DGKE: variants seen among roughly 807,000 people sequenced by gnomAD.
DGKE encodes the protein diacylglycerol kinase epsilon.
A neutral mutation model predicts 70.0 loss-of-function variants in DGKE; 53 were observed. That is an observed-to-expected ratio of 0.76 (90% CI 0.61 to 0.95). The LOEUF is 0.95. DGKE is among the 40% of genes least tolerant of loss of function. The pLI, the probability that DGKE is intolerant of heterozygous loss-of-function variation, is 0.00. For synonymous variants in DGKE, 291 were observed against 257.0 expected (o/e 1.13, Z -1.27); for missense variants, 655 against 706.9 (o/e 0.93, Z 0.83).
chr17:56,845,844 T>C, intron 4 of DGKE, 35 bp downstream of exon 4: 2 of 1,552,666 alleles, frequency 1.3e-6, no homozygotes, highest in Non-Finnish European at 1.7e-6. Context: ...TATTAATGTT[T>C]TCATTTTCCC....
At chr17:56,855,005 G>A (rs1907860497) in intron 7 of DGKE, among the ~76,000 whole-genome samples, 1 of 152,142 alleles carries the variant, frequency 6.6e-6, no homozygotes. Flanking sequence ...TGCCCATCTG[G>A]TGCCAGGCAC....
chr17:56,849,164 T>A lies in DGKE; in HGVS notation c.1047-17T>A, dbSNP rs764231272. ...TTATTGTAAAACGTGCTGTTTTTTT[T>A]AACTTCTGTTTTTTAGATGGAAAGT... On this transcript the variant is annotated splice_polypyrimidine_tract_variant and intron_variant, in intron 6 of 11. Transcript: ENST00000284061. 6 of 1,603,968 alleles carry A rather than the reference T, an allele frequency of 3.7e-6. No individual in the cohort carries two copies. In the East Asian group the frequency reaches 1.3e-4, roughly 36 times the overall value.
At chr17:56,839,461 G>T (rs1011821804) in intron 2 of DGKE, among the ~76,000 whole-genome samples, 7 of 152,156 alleles carry the variant, frequency 4.6e-5, no homozygotes, top group African/African-American at 1.7e-4. Context: ...TAGGATTCAG[G>T]TTTGAATATG....
intron 11 of DGKE, 99 bp downstream of exon 11, chr17:56,862,350 T>G (rs944870298): frequency 8.3e-7 from 1 of 1,202,324 alleles, no homozygotes; most frequent in Non-Finnish European, 1.2e-6. Context: ...TAAACAGTGG[T>G]TTATGGCTCA....
rs1290615410 is a variant in DGKE at position 56,867,974 on chromosome 17, G to A, written c.*5183G>A. ...CAGATATCAGACCAAGAACACTTCA[G>A]TCTCTCTAAGGATGCCCTGAGCTAC... On this transcript the variant is annotated 3_prime_UTR_variant, in exon 12 of 12. Transcript: ENST00000284061. The A allele has an allele frequency of 6.6e-6, 1 of 151,948 alleles. No individual in the cohort carries two copies. The allele number at this position is 151,948 out of a possible 1,614,324, so 9.4% of individuals were successfully genotyped here.
At chr17:56,859,746 G>A (rs1908181333) in intron 9 of DGKE, among the ~76,000 whole-genome samples, 2 of 152,288 alleles carry the variant, frequency 1.3e-5, no homozygotes, top group Middle Eastern at 6.8e-3. Context: ...TGTATTCCTT[G>A]CTTGATTCCA....
At chr17:56,835,502 C>T (rs1163315447) in intron 2 of DGKE, 4 of 543,258 alleles carry the variant, frequency 7.4e-6, no homozygotes, top group South Asian at 5.4e-5. Context: ...TAAAACTTGG[C>T]TCCTAACGTT....
At chr17:56,844,821 CTT>C (rs1365983051) in intron 3 of DGKE, among the ~76,000 whole-genome samples, 2 of 152,156 alleles carry the variant, frequency 1.3e-5, no homozygotes, top group Admixed American at 6.5e-5. Flanking sequence ...ATCTCTCAGT[CTT>C]TATGTAGCTC....
intron 2 of DGKE, among the ~76,000 whole-genome samples, chr17:56,842,820 C>T (rs969077127): frequency 1.3e-5 from 2 of 152,194 alleles, no homozygotes; most frequent in Non-Finnish European, 2.9e-5. Context: ...TCTGCCTTAT[C>T]TGTGAGTGGA....
At chr17:56,843,905 A>G (rs1381728343) in intron 2 of DGKE, 114 bp from the exon 3 acceptor site, 4 of 993,896 alleles carry the variant, frequency 4.0e-6, no homozygotes, top group Middle Eastern at 2.8e-4. Flanking sequence ...GCCAAATGTT[A>G]TGGTAAGTAG....
intron 7 of DGKE, among the ~76,000 whole-genome samples, chr17:56,852,140 C>T (rs758152863): frequency 6.6e-6 from 1 of 152,048 alleles, no homozygotes; most frequent in African/African-American, 2.4e-5. Flanking sequence ...TGGCGGGGTG[C>T]GGTGGCTCAC....
At chr17:56,845,418 A>G (rs576823574) in intron 3 of DGKE, among the ~76,000 whole-genome samples, 1 of 152,312 alleles carries the variant, frequency 6.6e-6, no homozygotes, top group South Asian at 2.1e-4. Flanking sequence ...GGGCTGCATT[A>G]CTAGTGAGTT....
rs1302582956 is a variant in DGKE at position 56,848,705 on chromosome 17, A to G, written c.898A>G (p.Lys300Glu). The G allele has an allele frequency of 6.8e-6, 11 of 1,613,970 alleles. No homozygotes were observed. Among genetic ancestry groups the G allele is most frequent in the Admixed American group, 1.7e-5 (1 of 59,986 alleles). ...VDDMKIKGQE[K>E]YIPQVAVLPL... ...ATCTTCCATATTCTAGGGACAAGAA[A>G]AGTACATTCCACAAGTTGCAGTTTT... is the stretch of plus-strand genomic sequence containing the variant. Residue 300 changes from lysine to glutamate, a missense_variant, in exon 6 of 12, where the codon AAG (lysine) becomes GAG (glutamate). Physicochemically the swap from Lys to Glu is moderately conservative, Grantham distance 56 (BLOSUM62 1). Transcript: ENST00000284061.
intron 4 of DGKE, 182 bp from the exon 5 acceptor site, chr17:56,847,740 G>T (rs1442023564): frequency 1.5e-5 from 5 of 323,036 alleles, no homozygotes; most frequent in Non-Finnish European, 2.8e-5. Flanking sequence ...GCTTTGTAAA[G>T]TCAGTGTGGG....
At position 56,837,975 on chromosome 17, in the gene DGKE, A is replaced by G. The variant is rs983447325; in HGVS notation, c.464+2716A>G. On this transcript the variant is annotated intron_variant, in intron 2 of 11. Coordinates refer to ENST00000284061, the MANE Select transcript of DGKE (RefSeq NM_003647.3). ...TTGTGTGCTCCTGTTTCTACCCCCA[A>G]CCACTACATCTTCTTTTTCTTCTTC... Among the ~76,000 whole-genome samples the G allele has an allele frequency of 6.6e-5, 10 of 152,142 alleles. No homozygotes were observed. In the East Asian group the frequency reaches 1.9e-3, roughly 29 times the overall value.
chr17:56,853,387 A>T (rs1461720382), intron 7 of DGKE, among the ~76,000 whole-genome samples: 1 of 152,224 alleles, frequency 6.6e-6, no homozygotes, highest in East Asian at 1.9e-4. Context: ...GGCCAATGTC[A>T]TGAAGCTTTT....
intron 5 of DGKE, among the ~76,000 whole-genome samples, chr17:56,848,275 A>ACC (rs1377124660): frequency 6.6e-6 from 1 of 151,968 alleles, no homozygotes; most frequent in Non-Finnish European, 1.5e-5. Context: ...CTCCCACCTC[A>ACC]GCCTACAAAG....
intron 2 of DGKE, among the ~76,000 whole-genome samples, chr17:56,838,005 C>T (rs1472266693): frequency 1.3e-5 from 2 of 152,036 alleles, no homozygotes; most frequent in Non-Finnish European, 2.9e-5. Flanking sequence ...TTCTTCTTAT[C>T]TCTCCTCTGA....
At chr17:56,862,018 G>T in intron 10 of DGKE, 100 bp downstream of exon 10, 1 of 1,526,078 alleles carries the variant, frequency 6.6e-7, no homozygotes, top group South Asian at 1.3e-5. Flanking sequence ...TCTTTTTTGT[G>T]TATCTCATTA....
Sources: gnomAD v4.1 joint callset for allele counts (sites outside exome capture counted in the v4.1 genomes callset) on GRCh38, gnomAD v4.1.1 for gene constraint, MANE v1.5 for transcripts, NCBI Gene and HGNC (gene_info 2026-07-23, HGNC 2026-07-21) for gene names.